RIMS2: variants seen among roughly 807,000 people sequenced by gnomAD.
RIMS2 encodes the protein regulating synaptic membrane exocytosis 2.
A neutral mutation model predicts 174.4 loss-of-function variants in RIMS2; 59 were observed. The ratio of observed to expected loss-of-function variants is 0.34; its 90% CI spans 0.27 to 0.42. The LOEUF (loss-of-function observed/expected upper bound fraction) is 0.42. Ranked by LOEUF, RIMS2 falls within the 10% of genes least tolerant of loss-of-function variation. The probability of loss-of-function intolerance (pLI) is 1.00; values close to 1 mark genes in which losing one functional copy is unlikely to be tolerated. For synonymous variants in RIMS2, 606 were observed against 572.5 expected (o/e 1.06, Z -0.84); for missense variants, 1,620 against 1,666.3 (o/e 0.97, Z 0.48).
rs182575281 is a variant in RIMS2, at chr8:103,917,130, A to G, written c.2036+593A>G. Among the ~76,000 whole-genome samples, 266 of 152,322 alleles carry G rather than the reference A, an allele frequency of 1.7e-3. 2 individuals are homozygous for G. Among genetic ancestry groups the G allele is most frequent in the African/African-American group, 5.8e-3 (243 of 41,582 alleles). ...AATATTAAAGAGGCAAGTGAATTAC[A>G]TTACATGCCAAGGTAAAATATATAC... On this transcript the variant is annotated intron_variant, in intron 8 of 23. Transcript: ENST00000504942.
intron 3 of RIMS2, among the ~76,000 whole-genome samples, chr8:103,853,533 T>G (rs566893351): frequency 7.9e-5 from 12 of 152,270 alleles, no homozygotes; most frequent in African/African-American, 2.6e-4. Context: ...ATTGAACTCT[T>G]TAATCCATCT....
At chr8:104,053,511 G>A (rs2096822884) in intron 19 of RIMS2, among the ~76,000 whole-genome samples, 1 of 152,104 alleles carries the variant, frequency 6.6e-6, no homozygotes, top group East Asian at 1.9e-4. Flanking sequence ...GAGTAGTTGA[G>A]GAAGGAGGAC....
chr8:104,242,971 A>G (rs1308754220), intron 19 of RIMS2, among the ~76,000 whole-genome samples: 1 of 152,192 alleles, frequency 6.6e-6, no homozygotes, highest in Non-Finnish European at 1.5e-5. Flanking sequence ...TTCATCTAAT[A>G]GTGTTAGCCT....
chr8:104,045,760 G>C (rs1245699864), intron 19 of RIMS2, among the ~76,000 whole-genome samples: 1 of 151,732 alleles, frequency 6.6e-6, no homozygotes, highest in East Asian at 1.9e-4. Context: ...GCTACCTTAA[G>C]AGTTTGAGAA....
rs180731333 is a variant in RIMS2 at position 103,673,275 on chromosome 8, G to A, written c.177-23811G>A. ...TGGATCTACCATTCTGGATTTTGGA[G>A]GATGGTGGTCCCTTTCTCACAACTC... On this transcript the variant is annotated intron_variant, in intron 1 of 23. Transcript: ENST00000504942. 3.9e-5 allele frequency among the ~76,000 whole-genome samples: 6 copies of A among 152,312 alleles called. No individual in the cohort carries two copies. In the East Asian group the frequency reaches 5.8e-4, roughly 15 times the overall value.
At chr8:103,509,255 C>T (rs564241369) in intron 1 of RIMS2, among the ~76,000 whole-genome samples, 4 of 152,182 alleles carry the variant, frequency 2.6e-5, no homozygotes, top group African/African-American at 9.6e-5. Flanking sequence ...AAAATTTTTT[C>T]TACTGGGTAT....
At chr8:103,520,699 T>C (rs1343334990) in intron 1 of RIMS2, among the ~76,000 whole-genome samples, 3 of 152,096 alleles carry the variant, frequency 2.0e-5, no homozygotes, top group Non-Finnish European at 4.4e-5. Flanking sequence ...GGACTTACCA[T>C]GTAGTTTGAG....
chr8:104,090,742 A>G (rs1367182415), intron 19 of RIMS2, among the ~76,000 whole-genome samples: 2 of 151,766 alleles, frequency 1.3e-5, no homozygotes, highest in African/African-American at 4.8e-5. Flanking sequence ...AAGCCTGAGG[A>G]CATACTAGGA....
chr8:103,973,181 G>C (rs1485843883), intron 15 of RIMS2, among the ~76,000 whole-genome samples: 1 of 152,120 alleles, frequency 6.6e-6, no homozygotes, highest in Non-Finnish European at 1.5e-5. Flanking sequence ...ATGTACTATT[G>C]GGACACAGTG....
exon 5 of RIMS2, chr8:103,910,165 G>T: frequency 6.2e-7 from 1 of 1,612,140 alleles, no homozygotes; most frequent in South Asian, 1.1e-5. Flanking sequence ...TGGATCATAC[G>T]TCTTGGCATA....
chr8:103,988,920 T>C (rs934279498), intron 16 of RIMS2, among the ~76,000 whole-genome samples: 2 of 152,222 alleles, frequency 1.3e-5, no homozygotes, highest in Non-Finnish European at 2.9e-5. Flanking sequence ...CTATAGGTCA[T>C]GTATGCAAAT....
chr8:103,935,556 G>C (rs1355070694), intron 12 of RIMS2, among the ~76,000 whole-genome samples: 1 of 152,150 alleles, frequency 6.6e-6, no homozygotes, highest in African/African-American at 2.4e-5. Flanking sequence ...TCTTGGAACT[G>C]TGTTGTGCTG....
chr8:104,089,934 A>G lies in RIMS2; in HGVS notation c.3334+75319A>G, dbSNP rs113405150. Among the ~76,000 whole-genome samples the G allele has an allele frequency of 4.4e-4, 67 of 151,848 alleles. 1 individual carries two copies. Among genetic ancestry groups the G allele is most frequent in the African/African-American group, 1.5e-3 (63 of 41,510 alleles). ...GGCTAAACCTCAGAGTTTAAGTTAAATCTTTGACTTTTAGGTGCTAAGAGA... is the reference window on the plus strand; with the variant it reads ...GGCTAAACCTCAGAGTTTAAGTTAAGTCTTTGACTTTTAGGTGCTAAGAGA... On this transcript the variant is annotated intron_variant, in intron 19 of 23. Transcript: ENST00000504942.
intron 19 of RIMS2, among the ~76,000 whole-genome samples, chr8:104,201,495 G>A (rs959530166): frequency 2.0e-5 from 3 of 151,870 alleles, no homozygotes; most frequent in Non-Finnish European, 4.4e-5. Flanking sequence ...TAAAAAATTC[G>A]GCATCATAGA....
At chr8:103,781,182 T>G (rs2098384529) in intron 3 of RIMS2, among the ~76,000 whole-genome samples, 1 of 152,166 alleles carries the variant, frequency 6.6e-6, no homozygotes, top group Non-Finnish European at 1.5e-5. Context: ...AGGACTGAGA[T>G]CCAGTGTAGA....
intron 4 of RIMS2, among the ~76,000 whole-genome samples, chr8:103,899,788 C>T (rs556452575): frequency 0.037 from 5,624 of 151,620 alleles, 446 homozygotes; most frequent in African/African-American, 0.13. Context: ...ACATGAAGTC[C>T]TTGCCCATGC....
At chr8:103,624,703 G>A (rs28482300) in intron 1 of RIMS2, among the ~76,000 whole-genome samples, 27,702 of 151,966 alleles carry the variant, frequency 0.18, 2,774 homozygotes, top group African/African-American at 0.26. Flanking sequence ...ATGACTTACT[G>A]TATATCAGGC....
chr8:104,068,058 A>C lies in RIMS2; in HGVS notation c.3334+53443A>C, dbSNP rs369675398. ...ATACTGGGGCAAACTGCTTCAATGC[A>C]TAGCCTAATTTTATGATAACAGTTT... is the stretch of plus-strand genomic sequence containing the variant. On this transcript the variant is annotated intron_variant, in intron 19 of 23. Coordinates refer to ENST00000504942, the Ensembl canonical transcript of RIMS2. Among the ~76,000 whole-genome samples the C allele has an allele frequency of 3.5e-4, 54 of 152,330 alleles. No homozygotes were observed. The South Asian group carries it at 0.011, about 30-fold the overall frequency.
At chr8:104,189,547 G>C (rs1173073468) in intron 19 of RIMS2, among the ~76,000 whole-genome samples, 1 of 148,220 alleles carries the variant, frequency 6.7e-6, no homozygotes, top group Non-Finnish European at 1.5e-5. Context: ...AAACTGGATA[G>C]AGAAAGAGAA....
Sources: allele counts gnomAD v4.1 joint callset (sites outside exome capture counted in the v4.1 genomes callset), GRCh38; gene constraint gnomAD v4.1.1; transcripts MANE v1.5; gene names NCBI Gene and HGNC (gene_info 2026-07-23, HGNC 2026-07-21).